COG6: variants seen among roughly 807,000 people sequenced by gnomAD.
The protein encoded by COG6 is conserved oligomeric Golgi complex subunit 6.
A neutral mutation model predicts 88.8 loss-of-function variants in COG6; 74 were observed. That is an observed-to-expected ratio of 0.83 (90% CI 0.69 to 1.01). The LOEUF is 1.01. COG6 is among the 50% of genes least tolerant of loss of function. COG6 has a pLI of 0.00. For missense variants in COG6, 800 were observed against 797.9 expected (o/e 1.00, Z -0.03); for synonymous variants, 286 against 278.7 (o/e 1.03, Z -0.26).
intron 1 of COG6, 121 bp downstream of exon 1, chr13:39,656,000 G>A: frequency 8.0e-7 from 1 of 1,245,168 alleles, no homozygotes; most frequent in South Asian, 1.3e-5. Flanking sequence ...GACCGCGAGT[G>A]ACCCCAGACC....
chr13:39,775,013 A>T (rs1881423492), intron 18 of COG6, among the ~76,000 whole-genome samples: 1 of 152,240 alleles, frequency 6.6e-6, no homozygotes, highest in South Asian at 2.1e-4. Flanking sequence ...CAAAAATGAC[A>T]ATGAAATATC....
intron 18 of COG6, among the ~76,000 whole-genome samples, chr13:39,748,248 T>C (rs1208722699): frequency 6.6e-6 from 1 of 152,190 alleles, no homozygotes; most frequent in African/African-American, 2.4e-5. Flanking sequence ...TGAAAAATAA[T>C]TTTTGCATTA....
downstream of COG6, among the ~76,000 whole-genome samples, chr13:39,754,591 T>C (rs944815809): frequency 1.3e-5 from 2 of 152,230 alleles, no homozygotes; most frequent in African/African-American, 4.8e-5. Flanking sequence ...TTTTACAATT[T>C]TAAAAAATAG....
At chr13:39,691,457 C>T (rs549198997) in intron 11 of COG6, among the ~76,000 whole-genome samples, 7 of 152,004 alleles carry the variant, frequency 4.6e-5, no homozygotes, top group South Asian at 2.1e-4. Flanking sequence ...AGTAAGCAGA[C>T]AAGCATCTTT....
intron 18 of COG6, among the ~76,000 whole-genome samples, chr13:39,784,735 A>G (rs992158314): frequency 6.6e-6 from 1 of 152,190 alleles, no homozygotes; most frequent in Non-Finnish European, 1.5e-5. Flanking sequence ...AGAACAGTGA[A>G]GTCCTTCAAA....
rs1271268604 is a variant in COG6 at position 39,727,379 on chromosome 13, G to T, written c.1747-90G>T. 6 of 972,874 alleles carry T rather than the reference G, an allele frequency of 6.2e-6. No individual in the cohort carries two copies. The Admixed American group carries it at 6.9e-5, about 11-fold the overall frequency. The allele number at this position is 972,874 out of a possible 1,614,324, so 60.3% of individuals were successfully genotyped here. On this transcript the variant is annotated intron_variant, in intron 17 of 18. Transcript: ENST00000455146. ...ATTTAGAGTATGGAATTTTTCTCAA[G>T]GATTTAATTCTTAAAAGAGATGTTT...
At chr13:39,709,743 A>G (rs1878137418) in intron 13 of COG6, among the ~76,000 whole-genome samples, 4 of 152,098 alleles carry the variant, frequency 2.6e-5, no homozygotes, top group African/African-American at 9.7e-5. Context: ...ACAAATATAT[A>G]TGTGTTATAT....
rs777299281 is a variant in COG6 at position 39,750,933 on chromosome 13, T to A, written c.1827-13T>A. On this transcript the variant is annotated splice_polypyrimidine_tract_variant and intron_variant, in intron 18 of 18. Transcript: ENST00000455146. ...TCAAATGATGTGTTTACATTTTGTTTGCTTATCAATAGAGAGCAGATCGTA... is the reference window on the plus strand; with the variant it reads ...TCAAATGATGTGTTTACATTTTGTTAGCTTATCAATAGAGAGCAGATCGTA... The A allele has an allele frequency of 6.2e-7, 1 of 1,610,534 alleles. No homozygotes were observed. Among genetic ancestry groups the A allele is most frequent in the East Asian group, 2.2e-5 (1 of 44,752 alleles).
chr13:39,726,437 A>G (rs563887635), intron 17 of COG6, among the ~76,000 whole-genome samples: 53 of 152,068 alleles, frequency 3.5e-4, no homozygotes, highest in African/African-American at 1.2e-3. Flanking sequence ...TACATATCCA[A>G]AATCTGGGAG....
chr13:39,788,068 C>T (rs1566049579), intron 18 of COG6, among the ~76,000 whole-genome samples: 1 of 152,166 alleles, frequency 6.6e-6, no homozygotes, highest in Non-Finnish European at 1.5e-5. Context: ...GGAGCAATTA[C>T]ATTTTGGCAT....
At chr13:39,729,618 G>GT (rs1879326649) in intron 18 of COG6, among the ~76,000 whole-genome samples, 1 of 152,112 alleles carries the variant, frequency 6.6e-6, no homozygotes, top group South Asian at 2.1e-4. Context: ...GAAATGGCAA[G>GT]TAAATATATG....
At chr13:39,730,728 C>G (rs893552098) in intron 18 of COG6, among the ~76,000 whole-genome samples, 7 of 124,712 alleles carry the variant, frequency 5.6e-5, no homozygotes, top group Non-Finnish European at 9.5e-5. Flanking sequence ...GAGCCGCAGT[C>G]GCACCACTGC....
At chr13:39,710,788 C>A (rs1878195922) in intron 13 of COG6, among the ~76,000 whole-genome samples, 1 of 151,212 alleles carries the variant, frequency 6.6e-6, no homozygotes, top group Admixed American at 6.6e-5. Flanking sequence ...ACTCTAAGTT[C>A]TTTAGAAGAT....
intron 18 of COG6, among the ~76,000 whole-genome samples, chr13:39,732,308 G>T (rs958144089): frequency 6.6e-6 from 1 of 152,020 alleles, no homozygotes; most frequent in Non-Finnish European, 1.5e-5. Context: ...CTGCCTTCCG[G>T]AACAAAACAT....
intron 4 of COG6, among the ~76,000 whole-genome samples, chr13:39,668,854 G>A (rs1875444655): frequency 6.6e-6 from 1 of 151,842 alleles, no homozygotes; most frequent in Non-Finnish European, 1.5e-5. Flanking sequence ...CCTTGTTTCT[G>A]CCAAAGGTAA....
chr13:39,752,476 AAAAT>A lies in COG6; in HGVS notation c.*1387_*1390del. ...TAGTATGTGTTACATATAAAGACAG[AAAAT>A]AAAGTATAAATCAAGAGCTTAAATT... On this transcript the variant is annotated 3_prime_UTR_variant, in exon 19 of 19. Coordinates refer to ENST00000455146, the MANE Select transcript of COG6 (RefSeq NM_020751.3). 3 of 1,116,444 alleles carry A rather than the reference AAAAT, an allele frequency of 2.7e-6. No individual in the cohort carries two copies. The highest frequency in any genetic ancestry group is 3.5e-6 in the Non-Finnish European group (3 of 856,178). The allele number at this position is 1,116,444 out of a possible 1,614,324, so 69.2% of individuals were successfully genotyped here.
intron 13 of COG6, among the ~76,000 whole-genome samples, chr13:39,710,863 G>A (rs1878200956): frequency 6.6e-6 from 1 of 150,544 alleles, no homozygotes; most frequent in Non-Finnish European, 1.5e-5. Flanking sequence ...TTTGACATTA[G>A]CTTTTGTTTT....
intron 18 of COG6, among the ~76,000 whole-genome samples, chr13:39,759,065 A>G (rs1324787354): frequency 5.9e-5 from 9 of 152,198 alleles, no homozygotes; most frequent in East Asian, 1.9e-4. Context: ...TCCAGGGGAC[A>G]GGGAGAGGAA....
At chr13:39,764,086 G>A (rs537925003) in intron 18 of COG6, among the ~76,000 whole-genome samples, 9 of 151,932 alleles carry the variant, frequency 5.9e-5, no homozygotes, top group East Asian at 5.8e-4. Flanking sequence ...CTAAATAGAC[G>A]TAAAACTGTT....
Sources: allele counts gnomAD v4.1 joint callset (sites outside exome capture counted in the v4.1 genomes callset), GRCh38; gene constraint gnomAD v4.1.1; transcripts MANE v1.5; gene names NCBI Gene and HGNC (gene_info 2026-07-23, HGNC 2026-07-21).